Variants in LRPPRC observed in about 807,000 individuals in gnomAD.
LRPPRC encodes the protein leucine rich pentatricopeptide repeat containing, also known as leucine-rich PPR motif-containing protein, mitochondrial.
LRPPRC carries 120 observed loss-of-function variants against 180.3 expected under a neutral mutation model. The observed-to-expected ratio is 0.67, with a 90% CI of 0.57 to 0.77. The LOEUF is 0.77. Ranked by LOEUF, LRPPRC falls within the 30% of genes least tolerant of loss-of-function variation. The pLI is 0.00. For missense variants in LRPPRC, 2,012 were observed against 1,657.2 expected, an observed-to-expected ratio of 1.21 and a Z score of -3.72; for synonymous variants, 723 against 600.0, an observed-to-expected ratio of 1.21 and a Z score of -3.00.
chr2:43,981,126 G>A (rs143589120), intron 2 of LRPPRC, among the ~76,000 whole-genome samples: 44 of 152,156 alleles, frequency 2.9e-4, no homozygotes, highest in African/African-American at 9.2e-4. Context: ...TTTGGGGGTC[G>A]GGGGCAGGGA....
chr2:43,951,595 T>C (rs1672906012), intron 14 of LRPPRC, among the ~76,000 whole-genome samples: 1 of 152,234 alleles, frequency 6.6e-6, no homozygotes, highest in South Asian at 2.1e-4. Flanking sequence ...CTGAAGTATT[T>C]ATGGGTAGAT....
At chr2:43,935,939 C>T (rs1324402580) in intron 23 of LRPPRC, among the ~76,000 whole-genome samples, 5 of 152,052 alleles carry the variant, frequency 3.3e-5, no homozygotes, top group African/African-American at 7.2e-5. Context: ...TAAAATTAGC[C>T]GGGCGTGATG....
chr2:43,912,894 C>G (rs768918425), intron 29 of LRPPRC, among the ~76,000 whole-genome samples: 97 of 152,064 alleles, frequency 6.4e-4, no homozygotes, highest in Non-Finnish European at 1.5e-4. Context: ...AAAGACGATA[C>G]TAGTTTCAAA....
rs1002977644 is a variant in LRPPRC, at chr2:43,973,615, T to C, written c.1361A>G (p.Asn454Ser). The change falls in exon 11 of 38, where the codon AAT (asparagine) becomes AGT (serine). Residue 454 changes from asparagine to serine, a missense_variant. Physicochemically the swap from Asn to Ser is conservative, Grantham distance 46. Transcript: ENST00000260665. Reference protein sequence around the residue: ...PLLVGRRKEKNVQGIIEILKG... With the variant: ...PLLVGRRKEKSVQGIIEILKG... ...AAAAGGCAAAATCTAACCTTGAACA[T>C]TTTTTTCCTTCCGACGTCCAACTAG... The C allele has an allele frequency of 6.2e-7, 1 of 1,606,158 alleles. No individual in the cohort carries two copies.
Position 43,925,900 on chromosome 2 carries a change from T to C in LRPPRC, c.2798A>G (p.Asn933Ser), listed in dbSNP as rs1671859343. The change falls in exon 26 of 38, where the codon AAT becomes AGT. Residue 933 changes from asparagine (N) to serine (S), a missense_variant. Asn to Ser is a conservative substitution (Grantham distance 46). Coordinates refer to ENST00000260665, the MANE Select transcript of LRPPRC (RefSeq NM_133259.4). ...LQWFCDRCVA[N>S]NQVETLEKLV... ...TCTGAATCAAATACAAACCTGATTA[T>C]TTGCAACACATCTGTCACAAAACCA... 1 of 1,610,972 alleles carries C rather than the reference T, an allele frequency of 6.2e-7. No homozygotes were observed.
intron 3 of LRPPRC, 113 bp downstream of exon 3, chr2:43,979,713 C>A: frequency 2.4e-6 from 2 of 851,018 alleles, no homozygotes; most frequent in Non-Finnish European, 1.9e-6. Context: ...AATTATGAAT[C>A]AAGTAGCCCT....
At chr2:43,955,154 C>T (rs1372389032) in intron 14 of LRPPRC, among the ~76,000 whole-genome samples, 1 of 151,920 alleles carries the variant, frequency 6.6e-6, no homozygotes, top group Non-Finnish European at 1.5e-5. Context: ...AACAAATTCT[C>T]AAAGAGATCA....
In LRPPRC at chr2:43,902,291, C is replaced by A. The variant is rs1259314341; in HGVS notation, c.3365-767G>T. Reference sequence around the variant, plus strand: ...TTATAAATAACTATGGAATAGCCTTCTAGCTAACTGACTCATAAAACTGTA... The same window carrying A: ...TTATAAATAACTATGGAATAGCCTTATAGCTAACTGACTCATAAAACTGTA... On this transcript the variant is annotated intron_variant, in intron 31 of 37. Transcript: ENST00000260665. 4 of 152,268 alleles carry A rather than the reference C, an allele frequency of 2.6e-5. No individual in the cohort carries two copies. In the East Asian group the frequency reaches 5.8e-4, roughly 22 times the overall value. The allele number at this position is 152,268 out of a possible 1,614,324, so 9.4% of individuals were successfully genotyped here.
At chr2:43,940,073 TG>T (rs1464716157) in intron 23 of LRPPRC, among the ~76,000 whole-genome samples, 2 of 152,204 alleles carry the variant, frequency 1.3e-5, no homozygotes, top group African/African-American at 4.8e-5. Context: ...GCAATAGCCA[TG>T]AATGTAACTT....
At chr2:43,924,466 A>C (rs1278358120) in intron 27 of LRPPRC, among the ~76,000 whole-genome samples, 1 of 152,212 alleles carries the variant, frequency 6.6e-6, no homozygotes, top group East Asian at 1.9e-4. Context: ...TTGTTTTAGA[A>C]ATGGAAAATG....
chr2:43,989,203 T>G (rs934654724), intron 1 of LRPPRC, among the ~76,000 whole-genome samples: 3 of 152,232 alleles, frequency 2.0e-5, no homozygotes, highest in Non-Finnish European at 4.4e-5. Context: ...ACTTTCTCCC[T>G]CTAAGAACTG....
At chr2:43,889,581 A>C (rs1333951952) in intron 37 of LRPPRC, among the ~76,000 whole-genome samples, 153 bp downstream of exon 37, 1 of 152,202 alleles carries the variant, frequency 6.6e-6, no homozygotes, top group Non-Finnish European at 1.5e-5. Flanking sequence ...CAGCCAAGGC[A>C]TGCTGCTCAG....
intron 30 of LRPPRC, among the ~76,000 whole-genome samples, chr2:43,909,633 TA>T (rs1671186987): frequency 3.3e-5 from 5 of 149,690 alleles, no homozygotes. Context: ...ATAATAATAA[TA>T]ATAATAATAA....
intron 1 of LRPPRC, among the ~76,000 whole-genome samples, chr2:43,990,168 G>A (rs1159263107): frequency 2.0e-5 from 3 of 152,056 alleles, no homozygotes; most frequent in Admixed American, 6.6e-5. Context: ...GCAGTGAGCC[G>A]AGATGGCCCC....
At position 43,960,550 on chromosome 2, in the gene LRPPRC, A is replaced by G; in HGVS notation, c.1573T>C (p.Leu525=). Residue 525 remains leucine, a synonymous_variant, in exon 13 of 38, where the codon TTA becomes CTA. Coordinates refer to ENST00000260665, the MANE Select transcript of LRPPRC (RefSeq NM_133259.4). ...EAANGNLDFV[L]SFLKSNTLPI... ...AATGTTGTATACTTACAAAATGATA[A>G]TACAAAGTCTAAGTTCCCATTTGCT... The G allele has an allele frequency of 6.4e-7, 1 of 1,560,634 alleles. No homozygotes were observed. Among genetic ancestry groups the G allele is most frequent in the Non-Finnish European group, 8.8e-7 (1 of 1,132,662 alleles).
At chr2:43,950,410 A>G (rs1316341560) in intron 15 of LRPPRC, among the ~76,000 whole-genome samples, 163 bp downstream of exon 15, 1 of 152,134 alleles carries the variant, frequency 6.6e-6, no homozygotes, top group Non-Finnish European at 1.5e-5. Context: ...ATTCACAAAC[A>G]CTAAAAGACA....
intron 12 of LRPPRC, among the ~76,000 whole-genome samples, chr2:43,962,687 T>C (rs1459618182): frequency 3.3e-5 from 5 of 152,076 alleles, no homozygotes; most frequent in Non-Finnish European, 4.4e-5. Context: ...GGACCAGAAG[T>C]AGAAAACTTC....
chr2:43,968,459 T>G (rs1673654330), intron 11 of LRPPRC, among the ~76,000 whole-genome samples: 1 of 152,216 alleles, frequency 6.6e-6, no homozygotes, highest in South Asian at 2.1e-4. Flanking sequence ...TAGGGCAAGA[T>G]TGCAGACAAC....
intron 2 of LRPPRC, 30 bp downstream of exon 2, chr2:43,982,208 C>A: frequency 6.6e-7 from 1 of 1,512,132 alleles, no homozygotes; most frequent in South Asian, 1.3e-5. Flanking sequence ...AGCCAAAAGT[C>A]AACTTTATGA....
Sources: gnomAD v4.1 joint callset for allele counts (sites outside exome capture counted in the v4.1 genomes callset) on GRCh38, gnomAD v4.1.1 for gene constraint, MANE v1.5 for transcripts, NCBI Gene and HGNC (gene_info 2026-07-23, HGNC 2026-07-21) for gene names.